The following RUNX1 variants were observed in gnomAD, a reference collection of about 807,000 sequenced individuals.
RUNX1 encodes runt-related transcription factor 1.
RUNX1 carries 19 observed loss-of-function variants against 42.8 expected under a neutral mutation model. The observed-to-expected ratio is 0.44, with a 90% CI of 0.31 to 0.65. The LOEUF is 0.65. RUNX1 is among the 30% of genes least tolerant of loss of function. RUNX1 has a pLI of 0.07. For missense variants in RUNX1, 528 were observed against 672.0 expected (o/e 0.79, Z 2.37); for synonymous variants, 271 against 289.4 (o/e 0.94, Z 0.64).
At chr21:34,896,324 A>G (rs867309912) in intron 2 of RUNX1, among the ~76,000 whole-genome samples, 2 of 152,298 alleles carry the variant, frequency 1.3e-5, no homozygotes, top group Middle Eastern at 6.8e-3. Flanking sequence ...CAGGGTGAGC[A>G]GAAGAGGGAG....
intron 2 of RUNX1, among the ~76,000 whole-genome samples, chr21:34,909,789 T>C (rs2058257781): frequency 6.6e-6 from 1 of 152,122 alleles, no homozygotes; most frequent in Admixed American, 6.5e-5. Context: ...AGACTAAAAC[T>C]TAATCTTTAG....
At chr21:34,962,760 T>C (rs1311709541) in intron 2 of RUNX1, among the ~76,000 whole-genome samples, 2 of 152,198 alleles carry the variant, frequency 1.3e-5, no homozygotes, top group African/African-American at 4.8e-5. Context: ...GATTCAGAGA[T>C]GGGGAACATG....
intron 2 of RUNX1, among the ~76,000 whole-genome samples, chr21:35,027,145 G>A (rs1248807857): frequency 1.3e-5 from 2 of 152,202 alleles, no homozygotes; most frequent in African/African-American, 4.8e-5. Context: ...AGGGGCAGGG[G>A]GCGAAGGGAG....
intron 2 of RUNX1, among the ~76,000 whole-genome samples, chr21:34,927,353 G>T (rs1397142959): frequency 1.3e-5 from 2 of 152,176 alleles, no homozygotes; most frequent in Non-Finnish European, 2.9e-5. Flanking sequence ...ACTCGCACGT[G>T]TAGGGCAAGC....
chr21:34,932,309 T>C (rs117792411), intron 2 of RUNX1, among the ~76,000 whole-genome samples: 3,470 of 152,250 alleles, frequency 0.023, 116 homozygotes, highest in African/African-American at 0.071. Context: ...GAGCTGGTTT[T>C]GAGGAAAAGA....
intron 2 of RUNX1, among the ~76,000 whole-genome samples, chr21:34,928,163 A>G (rs973282281): frequency 6.6e-6 from 1 of 152,156 alleles, no homozygotes; most frequent in Non-Finnish European, 1.5e-5. Context: ...GCAATAGCCA[A>G]ATTTCAAGTG....
intron 2 of RUNX1, among the ~76,000 whole-genome samples, chr21:34,971,747 C>A (rs1046759414): frequency 5.3e-5 from 8 of 152,192 alleles, no homozygotes; most frequent in African/African-American, 1.9e-4. Context: ...TAAACTCCGG[C>A]AGCTCAGAGG....
rs559430186 is a variant in RUNX1, at chr21:34,843,986, G to T, written c.614-9385C>A. Reference sequence around the variant, plus strand: ...GAAGTGGAGGCAGTTTCTTAAGAAGGGTGCAGACAGCTCCCAAATTCAAGG... The same window carrying T: ...GAAGTGGAGGCAGTTTCTTAAGAAGTGTGCAGACAGCTCCCAAATTCAAGG... On this transcript the variant is annotated intron_variant, in intron 6 of 8. Coordinates refer to ENST00000675419, the MANE Select transcript of RUNX1 (RefSeq NM_001754.5). This position sits in a 1 kb window ranked among gnomAD's most constrained non-coding sequence, Gnocchi z 4.8. Among the ~76,000 whole-genome samples, 39 of 152,206 alleles carry T rather than the reference G, an allele frequency of 2.6e-4. No individual in the cohort carries two copies. Among genetic ancestry groups the T allele is most frequent in the African/African-American group, 9.2e-4 (38 of 41,510 alleles).
At chr21:34,885,460 TCTC>T (rs1305832086) in intron 4 of RUNX1, among the ~76,000 whole-genome samples, 1 of 152,028 alleles carries the variant, frequency 6.6e-6, no homozygotes, top group East Asian at 1.9e-4. Context: ...CTTCGTTCCT[TCTC>T]CTCATTTCCA....
At chr21:35,001,381 G>T in intron 2 of RUNX1, among the ~76,000 whole-genome samples, 1 of 148,274 alleles carries the variant, frequency 6.7e-6, no homozygotes, top group African/African-American at 2.5e-5. Flanking sequence ...TTTAACTATA[G>T]TTCTATGGCA....
chr21:34,976,152 GA>G (rs1319770831), intron 2 of RUNX1, among the ~76,000 whole-genome samples: 1 of 149,894 alleles, frequency 6.7e-6, no homozygotes, highest in African/African-American at 2.5e-5. Context: ...AATTACAGAA[GA>G]AAAGCTAATC....
intron 2 of RUNX1, among the ~76,000 whole-genome samples, chr21:35,029,702 A>G (rs2059260195): frequency 6.6e-6 from 1 of 151,804 alleles, no homozygotes; most frequent in Non-Finnish European, 1.5e-5. Context: ...TCTTAAGGGG[A>G]TCTTTTGACC....
chr21:34,996,492 C>T lies in RUNX1; in HGVS notation c.58+52350G>A, dbSNP rs917298823. ...TGACCTTTTGTGTCTCTTTCTCAAA[C>T]CCTGTTGATGTGTCAGCCCACGAGA... On this transcript the variant is annotated intron_variant, in intron 2 of 8. Coordinates refer to ENST00000675419, the MANE Select transcript of RUNX1 (RefSeq NM_001754.5). 2.0e-5 allele frequency among the ~76,000 whole-genome samples: 3 copies of T among 152,004 alleles called. No individual in the cohort carries two copies. The East Asian group carries it at 5.8e-4, about 29-fold the overall frequency.
intron 2 of RUNX1, among the ~76,000 whole-genome samples, chr21:34,975,994 T>C (rs2058798933): frequency 6.6e-6 from 1 of 152,146 alleles, no homozygotes; most frequent in South Asian, 2.1e-4. Context: ...AAGAAAGCTA[T>C]CAAATATTTT....
chr21:34,963,167 A>T lies in RUNX1; in HGVS notation c.59-70204T>A, dbSNP rs189397852. Among the ~76,000 whole-genome samples, 285 of 152,322 alleles carry T rather than the reference A, an allele frequency of 1.9e-3. 1 individual carries two copies. The Middle Eastern group carries it at 0.027, about 15-fold the overall frequency. On this transcript the variant is annotated intron_variant, in intron 2 of 8. Transcript: ENST00000675419. ...AGCAGGCAGCACAGAAGAAACGCCC[A>T]CGAAGAACCTAGGGTGCGAAGGAGC...
chr21:34,901,727 T>C lies in RUNX1; in HGVS notation c.59-8764A>G, dbSNP rs1469003082. ...TAAGAGATAGACTGAGAAGTCACTC[T>C]CCACATGAAACCAGTCTTCTCTTCG... is the stretch of plus-strand genomic sequence containing the variant. On this transcript the variant is annotated intron_variant, in intron 2 of 8. Transcript: ENST00000675419. This position sits in a 1 kb window ranked among gnomAD's most constrained non-coding sequence, Gnocchi z 4.3. Among the ~76,000 whole-genome samples, 28 of 152,172 alleles carry C rather than the reference T, an allele frequency of 1.8e-4. No individual in the cohort carries two copies. The highest frequency in any genetic ancestry group is 1.8e-3 in the Admixed American group (27 of 15,284).
chr21:34,912,722 T>C (rs1022875780), intron 2 of RUNX1, among the ~76,000 whole-genome samples: 9 of 152,180 alleles, frequency 5.9e-5, no homozygotes, highest in Non-Finnish European at 1.3e-4. Context: ...ATCTGATGCA[T>C]ACCTGAAACT....
At chr21:34,993,532 TACAGGC>T (rs2058963278) in intron 2 of RUNX1, among the ~76,000 whole-genome samples, 1 of 94,142 alleles carries the variant, frequency 1.1e-5, no homozygotes, top group African/African-American at 4.6e-5. Context: ...CACACATACA[TACAGGC>T]ACACACAGAC....
At chr21:34,847,512 T>C (rs2057334705) in intron 6 of RUNX1, among the ~76,000 whole-genome samples, 1 of 152,106 alleles carries the variant, frequency 6.6e-6, no homozygotes, top group African/African-American at 2.4e-5. Flanking sequence ...TCTAATTATA[T>C]TTATATTATC....
Sources: allele counts gnomAD v4.1 joint callset (sites outside exome capture counted in the v4.1 genomes callset), GRCh38; gene constraint gnomAD v4.1.1; non-coding constraint Gnocchi (gnomAD v3.1); transcripts MANE v1.5; gene names NCBI Gene and HGNC (gene_info 2026-07-23, HGNC 2026-07-21).